Variants in DHX16 observed in about 807,000 individuals in gnomAD.
DHX16 encodes pre-mRNA-splicing factor ATP-dependent RNA helicase DHX16.
DHX16 carries 81 observed loss-of-function variants against 131.2 expected under a neutral mutation model. That is an observed-to-expected ratio of 0.62 (90% CI 0.52 to 0.74). The LOEUF is 0.74. Among genes scored for constraint, DHX16 ranks in the 30% least tolerant of loss-of-function variants. The probability of loss-of-function intolerance (pLI) is 0.00; values close to 1 mark genes in which losing one functional copy is unlikely to be tolerated. For synonymous variants in DHX16, 440 were observed against 520.2 expected (o/e 0.85, Z 2.10); for missense variants, 980 against 1,363.1 (o/e 0.72, Z 4.43).
At position 30,655,272 on chromosome 6, in the gene DHX16, C is replaced by T. The variant is rs750378700; in HGVS notation, c.2726G>A (p.Arg909His). 9 of 1,614,052 alleles carry T rather than the reference C, an allele frequency of 5.6e-6. No homozygotes were observed. The highest frequency in any genetic ancestry group is 7.6e-6 in the Non-Finnish European group (9 of 1,180,044). Residue 909 changes from arginine to histidine, a missense_variant, in exon 18 of 20, where the codon CGC becomes CAC. Around this residue, in one of 3 missense-constraint regions of DHX16, gnomAD observed 214 missense variants for 271.2 expected, o/e 0.79. Transcript: ENST00000376442. ...YENFVQFRSMRRARDVREQLE... is the reference protein window; with the variant it reads ...YENFVQFRSMHRARDVREQLE... ...CTGTTCCCGCACATCCCGGGCTCGG[C>T]GCATCGATCTGAACTGTACAAAGTT... is the stretch of plus-strand genomic sequence containing the variant.
chr6:30,654,771 C>G lies in DHX16; in HGVS notation c.2932G>C (p.Glu978Gln). The stretch of plus-strand genomic sequence containing the variant: ...TAGAGCAGCCAGCGTGGCTGTTGCT[C>G]AAAGAGGGAGGAGTTGGGATGAATG... ...VFIHPNSSLF[E>Q]QQPRWLLYHE... Residue 978 changes from glutamate to glutamine, a missense_variant, in exon 19 of 20, where the codon GAG (glutamate) becomes CAG (glutamine). By Grantham distance (29) the Glu-to-Gln change is conservative. Around this residue, in one of 3 missense-constraint regions of DHX16, gnomAD observed 214 missense variants for 271.2 expected, o/e 0.79. Coordinates refer to ENST00000376442, the MANE Select transcript of DHX16 (RefSeq NM_003587.5). The G allele has an allele frequency of 6.2e-7, 1 of 1,612,966 alleles. No homozygotes were observed. Among genetic ancestry groups the G allele is most frequent in the Non-Finnish European group, 8.5e-7 (1 of 1,180,012 alleles).
chr6:30,668,642 T>C (rs2127593357), intron 4 of DHX16, among the ~76,000 whole-genome samples: 1 of 149,154 alleles, frequency 6.7e-6, no homozygotes, highest in East Asian at 2.0e-4. Context: ...CAGAATGAGA[T>C]TCTGTCTCAA....
At chr6:30,660,467 T>C (rs16867852) in intron 9 of DHX16, 16,833 of 428,228 alleles carry the variant, frequency 0.039, 787 homozygotes, top group East Asian at 0.13. Context: ...CCTCAGCAGA[T>C]AATAGGAGAC....
intron 12 of DHX16, among the ~76,000 whole-genome samples, chr6:30,657,946 C>T (rs553133052): frequency 4.2e-4 from 64 of 152,336 alleles, no homozygotes; most frequent in Non-Finnish European, 7.3e-4. Context: ...TCCACTGCTT[C>T]CCCGATAGAC....
intron 10 of DHX16, 76 bp downstream of exon 10, chr6:30,659,956 C>T (rs1004702709): frequency 1.3e-6 from 2 of 1,560,954 alleles, no homozygotes; most frequent in Admixed American, 1.7e-5. Flanking sequence ...TCCATCTTTC[C>T]CTCCACAGGA....
Position 30,653,316 on chromosome 6 carries a change from C to T in DHX16, c.3052G>A (p.Ala1018Thr), listed in dbSNP as rs1488615230. The T allele has an allele frequency of 5.6e-6, 9 of 1,612,948 alleles. No homozygotes were observed. The highest frequency in any genetic ancestry group is 1.1e-5 in the South Asian group (1 of 91,062). Reference protein sequence around the residue: ...LLEVAPHYYKAKELEDPHAKK... With the variant: ...LLEVAPHYYKTKELEDPHAKK... Reference sequence around the variant, plus strand: ...GCATGGGGATCTTCTAGCTCCTTGGCCTTATAATAATGGGGAGCCACCTCC... The same window carrying T: ...GCATGGGGATCTTCTAGCTCCTTGGTCTTATAATAATGGGGAGCCACCTCC... Residue 1018 changes from alanine (A) to threonine (T), a missense_variant, in exon 20 of 20, where the codon GCC (alanine) becomes ACC (threonine). Coordinates refer to ENST00000376442, the MANE Select transcript of DHX16 (RefSeq NM_003587.5).
At chr6:30,661,958 G>A (rs963836932) in intron 9 of DHX16, 4 of 698,846 alleles carry the variant, frequency 5.7e-6, no homozygotes, top group Admixed American at 2.0e-5. Context: ...AGCCTCTGAA[G>A]AGTCAAAAAG....
Position 30,665,029 on chromosome 6 carries a change from G to T in DHX16, c.1126-37C>A, listed in dbSNP as rs752054376. ...GAAGGAGGTGTGAGCTAAATAGCTC[G>T]CTACGGGTCTTCCTCAGAAAGTCTC... is the stretch of plus-strand genomic sequence containing the variant. On this transcript the variant is annotated intron_variant, in intron 6 of 19. Transcript: ENST00000376442. This position sits in a 1 kb window ranked among gnomAD's most constrained non-coding sequence, Gnocchi z 4.8. The T allele has an allele frequency of 1.1e-5, 17 of 1,613,322 alleles. No homozygotes were observed. Among genetic ancestry groups the T allele is most frequent in the Non-Finnish European group, 1.4e-5 (16 of 1,179,514 alleles).
chr6:30,655,059 T>G lies in DHX16; in HGVS notation c.2823+116A>C, dbSNP rs1767842929. The G allele has an allele frequency of 3.4e-6, 5 of 1,471,618 alleles. No individual in the cohort carries two copies. The Admixed American group carries it at 9.2e-5, about 27-fold the overall frequency. The allele number at this position is 1,471,618 out of a possible 1,614,324, so 91.2% of individuals were successfully genotyped here. ...GAAAGGGCCCTGGGAGGACACGTCATACACAAGGGGAAGAGGGCATGCTCT... is the reference window on the plus strand; with the variant it reads ...GAAAGGGCCCTGGGAGGACACGTCAGACACAAGGGGAAGAGGGCATGCTCT... On this transcript the variant is annotated intron_variant, in intron 18 of 19. Transcript: ENST00000376442.
At chr6:30,657,472 G>A (rs1055565934) in intron 12 of DHX16, among the ~76,000 whole-genome samples, 5 of 151,920 alleles carry the variant, frequency 3.3e-5, no homozygotes, top group Non-Finnish European at 7.4e-5. Context: ...TCTGTCACAT[G>A]GCATCCAGGA....
At chr6:30,661,609 T>C (rs1268949591) in intron 9 of DHX16, 5 of 627,674 alleles carry the variant, frequency 8.0e-6, no homozygotes, top group Non-Finnish European at 1.5e-5. Context: ...GGACTCTGCA[T>C]GCTCCTTGGT....
chr6:30,662,983 T>C lies in DHX16; in HGVS notation c.1356A>G (p.Gln452=), dbSNP rs377056875. The change falls in exon 8 of 20, where the codon CAA becomes CAG. Residue 452 remains glutamine (Q), a synonymous_variant. Transcript: ENST00000376442. This position sits in a 1 kb window ranked among gnomAD's most constrained non-coding sequence, Gnocchi z 4.7. ...CACTCATGGCAGCCACTCTCCGGGG[T>C]TGGGTGCAGGCAATCTTCATACCCT... The part of the protein sequence containing the change: ...TNKGMKIACT[Q]PRRVAAMSVA... 14 of 1,613,346 alleles carry C rather than the reference T, an allele frequency of 8.7e-6. No homozygotes were observed. The East Asian group carries it at 1.6e-4, about 18-fold the overall frequency.
Position 30,663,014 on chromosome 6 carries a change from G to A in DHX16, c.1325C>T (p.Thr442Ile). The A allele has an allele frequency of 1.2e-6, 2 of 1,611,174 alleles. No homozygotes were observed. Among genetic ancestry groups the A allele is most frequent in the Non-Finnish European group, 1.7e-6 (2 of 1,179,062 alleles). The change falls in exon 8 of 20, where the codon ACA becomes ATA. Residue 442 changes from threonine (T) to isoleucine (I), a missense_variant. Transcript: ENST00000376442. ...IPQYLFEEGY[T>I]NKGMKIACTQ... ...GCAGGCAATCTTCATACCCTTGTTT[G>A]TATAACCCTGAATGACAAAGAAAAA... is the stretch of plus-strand genomic sequence containing the variant.
chr6:30,657,141 C>A, intron 12 of DHX16, 49 bp from the exon 13 acceptor site: 2 of 1,562,546 alleles, frequency 1.3e-6, no homozygotes, highest in East Asian at 2.3e-5. Context: ...TACCTAGTTA[C>A]CCAGAAAAAG....
In DHX16 at chr6:30,662,789, G is replaced by A. The variant is rs1321796945; in HGVS notation, c.1429-47C>T. ...AACCAAGTGTGGGCTGGTGTGCCCT[G>A]AAAGGAACTTGGGGAAAGGTGAAGT... is the stretch of plus-strand genomic sequence containing the variant. On this transcript the variant is annotated intron_variant, in intron 8 of 19. Coordinates refer to ENST00000376442, the MANE Select transcript of DHX16 (RefSeq NM_003587.5). This position sits in a 1 kb window ranked among gnomAD's most constrained non-coding sequence, Gnocchi z 4.7. 3 of 1,588,008 alleles carry A rather than the reference G, an allele frequency of 1.9e-6. No homozygotes were observed. The highest frequency in any genetic ancestry group is 2.6e-6 in the Non-Finnish European group (3 of 1,158,870).
Position 30,656,405 on chromosome 6 carries a change from C to G in DHX16, c.2416G>C (p.Gly806Arg). Residue 806 changes from glycine (G) to arginine (R), a missense_variant, in exon 15 of 20, where the codon GGG becomes CGG. Gly to Arg is a moderately radical substitution (Grantham distance 125, BLOSUM62 -2). Transcript: ENST00000376442. The surrounding 1 kb of genome is among the most constrained non-coding windows in gnomAD (Gnocchi z 5.1). Reference sequence around the variant, plus strand: ...CCCCGACTCACCGTGGTGAGCTCCCCAAGGTGGTTGAGGGCTCCCAGAGCA... The same window carrying G: ...CCCCGACTCACCGTGGTGAGCTCCCGAAGGTGGTTGAGGGCTCCCAGAGCA... ...LYALGALNHL[G>R]ELTTSGRKMA... The G allele has an allele frequency of 6.2e-7, 1 of 1,614,106 alleles. No homozygotes were observed. The highest frequency in any genetic ancestry group is 8.5e-7 in the Non-Finnish European group (1 of 1,180,010).
chr6:30,661,731 C>T, intron 9 of DHX16: 1 of 717,324 alleles, frequency 1.4e-6, no homozygotes, highest in East Asian at 2.7e-5. Context: ...ACCCACCTCC[C>T]TGACCTCAAC....
rs373973902 is a variant in DHX16, at chr6:30,672,668, C to G, written c.174G>C (p.Pro58=). ...RDTDTLDLSG[P]ARDFALRLWN... ...AGAGTCTCAGGGCGAAGTCCCGGGC[C>G]GGCCCACTGAGATCCAAGGTATCAG... Residue 58 remains proline (P), a synonymous_variant, in exon 1 of 20, where the codon CCG becomes CCC. Transcript: ENST00000376442. 6.2e-7 allele frequency: 1 copy of G among 1,612,828 alleles called. No individual in the cohort carries two copies. The highest frequency in any genetic ancestry group is 1.3e-5 in the African/African-American group (1 of 75,054).
chr6:30,665,387 A>T lies in DHX16; in HGVS notation c.921+92T>A. On this transcript the variant is annotated intron_variant, in intron 5 of 19. Coordinates refer to ENST00000376442, the MANE Select transcript of DHX16 (RefSeq NM_003587.5). This position sits in a 1 kb window ranked among gnomAD's most constrained non-coding sequence, Gnocchi z 4.8. Reference sequence around the variant, plus strand: ...CCCATTGGGAACGGCAAGGCAAGAAAGGGGATGACCCACGTGTTGCCCAAT... The same window carrying T: ...CCCATTGGGAACGGCAAGGCAAGAATGGGGATGACCCACGTGTTGCCCAAT... 4.4e-6 allele frequency: 7 copies of T among 1,583,244 alleles called. No individual in the cohort carries two copies. In the South Asian group the frequency reaches 6.9e-5, roughly 16 times the overall value.
Sources: gnomAD v4.1 joint callset for allele counts (sites outside exome capture counted in the v4.1 genomes callset) on GRCh38, gnomAD v4.1.1 for gene constraint, gnomAD v4.1.1 regional missense constraint, Gnocchi (gnomAD v3.1) non-coding constraint, MANE v1.5 for transcripts, NCBI Gene and HGNC (gene_info 2026-07-23, HGNC 2026-07-21) for gene names.